STXBP4: variants seen among roughly 807,000 people sequenced by gnomAD.
STXBP4 encodes the protein syntaxin binding protein 4.
STXBP4 carries 55 observed loss-of-function variants against 76.1 expected under a neutral mutation model. The ratio of observed to expected loss-of-function variants is 0.72; its 90% CI spans 0.58 to 0.91. The LOEUF (loss-of-function observed/expected upper bound fraction) is 0.91. Ranked by LOEUF, STXBP4 falls within the 40% of genes least tolerant of loss-of-function variation. The pLI, the probability that STXBP4 is intolerant of heterozygous loss-of-function variation, is 0.00. For missense variants in STXBP4, 618 were observed against 636.9 expected, an observed-to-expected ratio of 0.97 and a Z score of 0.32; for synonymous variants, 201 against 220.2, an observed-to-expected ratio of 0.91 and a Z score of 0.77.
At chr17:55,030,669 G>C (rs1375547637) in intron 8 of STXBP4, 7 of 152,554 alleles carry the variant, frequency 4.6e-5, no homozygotes, top group African/African-American at 1.7e-4. Context: ...TGATGAAAGA[G>C]AGAAGTAAGT....
chr17:55,113,221 A>ACACACG (rs1414545065), intron 16 of STXBP4, among the ~76,000 whole-genome samples: 1 of 43,628 alleles, frequency 2.3e-5, no homozygotes, highest in African/African-American at 8.6e-5. Context: ...CTCTTACCAC[A>ACACACG]CACACACACA....
chr17:55,177,353 C>T (rs186632949), downstream of STXBP4, among the ~76,000 whole-genome samples: 12 of 152,348 alleles, frequency 7.9e-5, no homozygotes, highest in East Asian at 1.7e-3. Context: ...CTAGCGCCCT[C>T]ACCTGTTCAA....
chr17:55,110,010 T>C (rs535268449), intron 16 of STXBP4, among the ~76,000 whole-genome samples: 3 of 152,312 alleles, frequency 2.0e-5, no homozygotes, highest in South Asian at 2.1e-4. Context: ...ATATGTTTCA[T>C]TGGACTAAAA....
chr17:55,101,160 A>C (rs1157869297), intron 16 of STXBP4, among the ~76,000 whole-genome samples: 1 of 152,162 alleles, frequency 6.6e-6, no homozygotes, highest in Non-Finnish European at 1.5e-5. Context: ...AACTATTGCC[A>C]TTTGCCTCTG....
At chr17:55,018,877 C>A (rs1033387021) in intron 8 of STXBP4, among the ~76,000 whole-genome samples, 19 of 152,310 alleles carry the variant, frequency 1.2e-4, no homozygotes, top group Non-Finnish European at 2.5e-4. Flanking sequence ...TTTTGTGGAT[C>A]TTCAGTTGCT....
intron 8 of STXBP4, among the ~76,000 whole-genome samples, chr17:55,015,423 T>A (rs901905045): frequency 6.6e-6 from 1 of 152,258 alleles, no homozygotes; most frequent in African/African-American, 2.4e-5. Context: ...ACTCTTGGGC[T>A]GCAGTTATGG....
chr17:55,121,860 C>T (rs745953507), intron 16 of STXBP4, among the ~76,000 whole-genome samples: 72 of 151,938 alleles, frequency 4.7e-4, no homozygotes, highest in Non-Finnish European at 1.0e-4. Flanking sequence ...GCCTTCAATA[C>T]GAATATGTTG....
intron 8 of STXBP4, among the ~76,000 whole-genome samples, chr17:55,028,604 C>T (rs2078455284): frequency 6.6e-6 from 1 of 152,080 alleles, no homozygotes; most frequent in Non-Finnish European, 1.5e-5. Context: ...TTTTGGTTGT[C>T]ACAGCTGGAA....
the STXBP4 span, among the ~76,000 whole-genome samples, chr17:55,193,309 C>A: frequency 6.6e-6 from 1 of 152,074 alleles, no homozygotes; most frequent in Non-Finnish European, 1.5e-5. Context: ...GGACCACATG[C>A]AAGGGAATCA....
intron 8 of STXBP4, among the ~76,000 whole-genome samples, chr17:55,018,113 G>T (rs2078240602): frequency 6.6e-6 from 1 of 152,104 alleles, no homozygotes; most frequent in Non-Finnish European, 1.5e-5. Context: ...TCCAAGGAAT[G>T]GAATCTTGAG....
chr17:55,132,885 G>A (rs2079987807), intron 16 of STXBP4, among the ~76,000 whole-genome samples: 1 of 152,148 alleles, frequency 6.6e-6, no homozygotes, highest in Non-Finnish European at 1.5e-5. Flanking sequence ...CAGCTCTCTA[G>A]GCAGAAGGGC....
chr17:55,020,786 C>G (rs1243662656), intron 8 of STXBP4, among the ~76,000 whole-genome samples: 2 of 152,108 alleles, frequency 1.3e-5, no homozygotes, highest in Admixed American at 1.3e-4. Context: ...CATTGCACTC[C>G]AGCTTGGGCA....
chr17:55,081,013 G>T, intron 15 of STXBP4, 37 bp from the exon 16 acceptor site: 2 of 1,397,146 alleles, frequency 1.4e-6, no homozygotes, highest in South Asian at 1.9e-5. Context: ...GTTGTTTATT[G>T]TGTAGTAAGT....
At chr17:55,131,864 G>A (rs1174081759) in intron 16 of STXBP4, among the ~76,000 whole-genome samples, 2 of 152,124 alleles carry the variant, frequency 1.3e-5, no homozygotes, top group Non-Finnish European at 2.9e-5. Context: ...CCAGGCTCAA[G>A]CGATCCTCCC....
At position 54,986,158 on chromosome 17, in the gene STXBP4, A is replaced by T. The variant is rs2077623742; in HGVS notation, c.-62A>T. On this transcript the variant is annotated 5_prime_UTR_variant, in exon 3 of 18. Transcript: ENST00000376352. ...CAATCCTAGGAAAAGAAGAATTTCT[A>T]GACTCTTCATCAAGATCTTCATTTA... 7.2e-7 allele frequency: 1 copy of T among 1,380,114 alleles called. No individual in the cohort carries two copies. The highest frequency in any genetic ancestry group is 2.3e-5 in the East Asian group (1 of 43,462). 85.5% of individuals were successfully genotyped at this position (1,380,114 alleles called of 1,614,324 possible).
intron 13 of STXBP4, among the ~76,000 whole-genome samples, chr17:55,076,931 A>G (rs2079190594): frequency 6.6e-6 from 1 of 152,146 alleles, no homozygotes; most frequent in Admixed American, 6.6e-5. Context: ...TGGATGTCAA[A>G]TCTATAAATA....
chr17:55,172,866 G>A lies in STXBP4; in HGVS notation c.*12955G>A, dbSNP rs533687313. 2.6e-5 allele frequency: 4 copies of A among 152,198 alleles called. No homozygotes were observed. Among genetic ancestry groups the A allele is most frequent in the Non-Finnish European group, 5.9e-5 (4 of 68,044 alleles). The allele number at this position is 152,198 out of a possible 1,614,324, so 9.4% of individuals were successfully genotyped here. On this transcript the variant is annotated 3_prime_UTR_variant, in exon 18 of 18. Coordinates refer to ENST00000376352, the MANE Select transcript of STXBP4 (RefSeq NM_178509.6). ...GTAGGTCACCCTGCACCTACACAAG[G>A]ACTGAGCTGAGTTCTAGTTACCTGC...
chr17:55,054,997 TTTAAG>T lies in STXBP4; in HGVS notation c.1011+7847_1011+7851del, dbSNP rs1368365292. Among the ~76,000 whole-genome samples, 5 of 152,266 alleles carry T rather than the reference TTTAAG, an allele frequency of 3.3e-5. No homozygotes were observed. In the South Asian group the frequency reaches 8.3e-4, roughly 25 times the overall value. On this transcript the variant is annotated intron_variant, in intron 12 of 17. Coordinates refer to ENST00000376352, the MANE Select transcript of STXBP4 (RefSeq NM_178509.6). The stretch of plus-strand genomic sequence containing the variant: ...CAAAATAAACCTTTTCTATGCTAAC[TTTAAG>T]TTATTTGTTAATATATTTCTGTCTT...
rs79304131 is a variant in STXBP4, at chr17:55,101,467, A to C, written c.1489+20284A>C. On this transcript the variant is annotated intron_variant, in intron 16 of 17. Coordinates refer to ENST00000376352, the MANE Select transcript of STXBP4 (RefSeq NM_178509.6). The stretch of plus-strand genomic sequence containing the variant: ...ATACCACTATGAATCTTCCTGAGAG[A>C]AATAGCTCTCCCTCCTTACCATCTG... Among the ~76,000 whole-genome samples the C allele has an allele frequency of 4.3e-4, 66 of 152,308 alleles. No homozygotes were observed. In the East Asian group the frequency reaches 0.012, roughly 28 times the overall value.
Sources: allele counts gnomAD v4.1 joint callset (sites outside exome capture counted in the v4.1 genomes callset), GRCh38; gene constraint gnomAD v4.1.1; transcripts MANE v1.5; gene names NCBI Gene and HGNC (gene_info 2026-07-23, HGNC 2026-07-21).